SYT3: variants seen among roughly 807,000 people sequenced by gnomAD.
The protein encoded by SYT3 is synaptotagmin 3.
A neutral mutation model predicts 50.6 loss-of-function variants in SYT3; 25 were observed. The observed-to-expected ratio is 0.49, with a 90% CI of 0.36 to 0.69. SYT3 has a LOEUF of 0.69. Ranked by LOEUF, SYT3 falls within the 30% of genes least tolerant of loss-of-function variation. The pLI, the probability that SYT3 is intolerant of heterozygous loss-of-function variation, is 0.00. For synonymous variants in SYT3, 323 were observed against 353.9 expected (o/e 0.91, Z 0.98); for missense variants, 589 against 793.6 (o/e 0.74, Z 3.10).
the SYT3 span, among the ~76,000 whole-genome samples, chr19:50,657,024 G>T: frequency 6.6e-6 from 1 of 151,508 alleles, no homozygotes; most frequent in Non-Finnish European, 1.5e-5. Context: ...GGAAAGGAAG[G>T]AAGGGAGGGA....
the SYT3 span, among the ~76,000 whole-genome samples, chr19:50,645,815 C>T: frequency 1.6e-4 from 25 of 152,166 alleles, no homozygotes; most frequent in South Asian, 4.6e-3. Context: ...AGAAGGTTGA[C>T]GCTGCAGTGA....
chr19:50,656,978 A>AGG, the SYT3 span, among the ~76,000 whole-genome samples: 905 of 138,350 alleles, frequency 6.5e-3, 15 homozygotes, highest in African/African-American at 0.025. Flanking sequence ...GAAAGAAAGA[A>AGG]AGAAGGAAGG....
intron 3 of SYT3, among the ~76,000 whole-genome samples, chr19:50,634,572 CTTTTT>C (rs3028785): frequency 1.2e-4 from 9 of 74,218 alleles, no homozygotes; most frequent in South Asian, 5.7e-4. Context: ...TCTTGGGGTG[CTTTTT>C]TTTTTTTTTT....
Position 50,632,798 on chromosome 19 carries a change from G to A in SYT3, c.162C>T (p.Ser54=). ...PRGPDADISV[S]LLSVIVTFCG... is the part of the protein sequence containing the mutation. The stretch of plus-strand genomic sequence containing the variant: ...AGAATGTCACGATGACCGACAGCAG[G>A]CTCACGGAGATGTCTGGAGAGAACG... The change falls in exon 4 of 11, where the codon AGC becomes AGT. Residue 54 remains serine (S), a synonymous_variant. Transcript: ENST00000600079. This position sits in a 1 kb window ranked among gnomAD's most constrained non-coding sequence, Gnocchi z 4.7. The A allele has an allele frequency of 6.6e-7, 1 of 1,515,904 alleles. No individual in the cohort carries two copies. The highest frequency in any genetic ancestry group is 8.8e-7 in the Non-Finnish European group (1 of 1,133,992). 93.9% of individuals were successfully genotyped at this position (1,515,904 alleles called of 1,614,324 possible).
At position 50,632,930 on chromosome 19, in the gene SYT3, T is replaced by C. The variant is rs1984371635; in HGVS notation, c.149-119A>G. On this transcript the variant is annotated intron_variant, in intron 3 of 10. Transcript: ENST00000600079. The surrounding 1 kb of genome is among the most constrained non-coding windows in gnomAD (Gnocchi z 4.7). ...ATGCAATTGTCCATGCAATTGCAAG[T>C]GCCAGGCACTTTACATGTATTACTT... is the stretch of plus-strand genomic sequence containing the variant. 1.8e-5 allele frequency: 13 copies of C among 730,022 alleles called. No individual in the cohort carries two copies. Among genetic ancestry groups the C allele is most frequent in the Non-Finnish European group, 2.7e-5 (13 of 486,120 alleles). The allele number at this position is 730,022 out of a possible 1,614,324, so 45.2% of individuals were successfully genotyped here. A position where few individuals can be genotyped will look rare whatever the true frequency, so the allele number is the denominator to read the frequency against.
At chr19:50,626,379 C>T (rs1048421172) in intron 6 of SYT3, among the ~76,000 whole-genome samples, 1 of 152,054 alleles carries the variant, frequency 6.6e-6, no homozygotes, top group East Asian at 1.9e-4. Flanking sequence ...GCAAAGTTCT[C>T]AAGTCAGAGG....
rs1049785075 is a variant in SYT3, at chr19:50,639,100, G to A, written c.-91C>T. On this transcript the variant is annotated 5_prime_UTR_variant, in exon 2 of 11. Transcript: ENST00000600079. The surrounding 1 kb of genome is among the most constrained non-coding windows in gnomAD (Gnocchi z 4.6). Reference sequence around the variant, plus strand: ...GGCAGCCCATGGGGGTTCTAGGGCGGACAAGGGGCTGTGGACCCGTTCCCA... The same window carrying A: ...GGCAGCCCATGGGGGTTCTAGGGCGAACAAGGGGCTGTGGACCCGTTCCCA... 1.3e-5 allele frequency: 2 copies of A among 152,968 alleles called. No individual in the cohort carries two copies. Among genetic ancestry groups the A allele is most frequent in the Non-Finnish European group, 2.9e-5 (2 of 68,668 alleles). The allele number at this position is 152,968 out of a possible 1,614,324, so 9.5% of individuals were successfully genotyped here.
In SYT3 at chr19:50,637,680, T is replaced by G; in HGVS notation, c.-15-254A>C. The G allele has an allele frequency of 2.6e-6, 1 of 386,284 alleles. No homozygotes were observed. Among genetic ancestry groups the G allele is most frequent in the Non-Finnish European group, 4.8e-6 (1 of 209,516 alleles). The allele number at this position is 386,284 out of a possible 1,614,324, so 23.9% of individuals were successfully genotyped here. A position where few individuals can be genotyped will look rare whatever the true frequency, so the allele number is the denominator to read the frequency against. On this transcript the variant is annotated intron_variant, in intron 2 of 10. Coordinates refer to ENST00000600079, the MANE Select transcript of SYT3 (RefSeq NM_001160329.2). This position sits in a 1 kb window ranked among gnomAD's most constrained non-coding sequence, Gnocchi z 4.9. ...GGGCAGAAATTAGGGATGGAGATAG[T>G]AGCAGGGACTGGGTAAGTCAAGGGG...
In SYT3 at chr19:50,632,304, C is replaced by CTTGT; in HGVS notation, c.652_655dup (p.Ser219AsnfsTer30). 6.3e-7 allele frequency: 1 copy of CTTGT among 1,580,890 alleles called. No homozygotes were observed. Among genetic ancestry groups the CTTGT allele is most frequent in the South Asian group, 1.1e-5 (1 of 88,338 alleles). On this transcript the variant is annotated frameshift_variant, in exon 4 of 11. Transcript: ENST00000600079. LOFTEE classifies it high-confidence loss of function. This position sits in a 1 kb window ranked among gnomAD's most constrained non-coding sequence, Gnocchi z 4.7. ...CTCTCACCTGGTAGTGGGTGCCAGG[C>CTTGT]TTGTGACCTGCTGATGTGACTGGGC...
rs201670564 is a variant in SYT3, at chr19:50,632,384, C to T, written c.576G>A (p.Gly192=). The change falls in exon 4 of 11, where the codon GGG becomes GGA. Residue 192 remains glycine, a synonymous_variant. Transcript: ENST00000600079. The surrounding 1 kb of genome is among the most constrained non-coding windows in gnomAD (Gnocchi z 4.7). ...GCAGGAGCAACCCAGAGCCTGCTCC[C>T]CCCTCAGAGGGCAGCTCAGGGGATG... is the stretch of plus-strand genomic sequence containing the variant. ...SQTSPELPSE[G]GAGSGLLLLP... 61 of 1,613,080 alleles carry T rather than the reference C, an allele frequency of 3.8e-5. No homozygotes were observed. The Admixed American group carries it at 3.8e-4, about 10-fold the overall frequency.
At chr19:50,630,235 G>T in intron 4 of SYT3, 64 bp from the exon 5 acceptor site, 5 of 1,423,644 alleles carry the variant, frequency 3.5e-6, no homozygotes, top group Non-Finnish European at 4.6e-6. Context: ...TGCATGCAGA[G>T]ACCTGGGAGA....
intron 6 of SYT3, among the ~76,000 whole-genome samples, chr19:50,626,562 A>AGCCCAGAGAGAGAGGAGGACAGAG (rs1984075869): frequency 7.0e-6 from 1 of 142,820 alleles, no homozygotes; most frequent in African/African-American, 2.7e-5. Flanking sequence ...GGAGGACAGA[A>AGCCCAGAGAGAGAGGAGGACAGAG]GCCCAGAGAG....
At position 50,629,754 on chromosome 19, in the gene SYT3, G is replaced by C. The variant is rs139201197; in HGVS notation, c.1062+30C>G. On this transcript the variant is annotated intron_variant, in intron 5 of 10. Transcript: ENST00000600079. Reference sequence around the variant, plus strand: ...CAGAGCCCTAGCTCCCTCTCTGTGGGAACCCGGTGTCCAGCCCGCTGCTCC... The same window carrying C: ...CAGAGCCCTAGCTCCCTCTCTGTGGCAACCCGGTGTCCAGCCCGCTGCTCC... 4.5e-5 allele frequency: 69 copies of C among 1,519,218 alleles called. 5 individuals are homozygous for C. In the Admixed American group the frequency reaches 1.1e-3, roughly 24 times the overall value. The allele number at this position is 1,519,218 out of a possible 1,614,324, so 94.1% of individuals were successfully genotyped here. A position where few individuals can be genotyped will look rare whatever the true frequency, so the allele number is the denominator to read the frequency against.
At chr19:50,630,287 CA>C in intron 4 of SYT3, 116 bp from the exon 5 acceptor site, 15 of 1,074,632 alleles carry the variant, frequency 1.4e-5, no homozygotes, top group Non-Finnish European at 1.9e-5. Flanking sequence ...CAGGTGGCCA[CA>C]AGTCCCCTCC....
At chr19:50,646,608 A>G in the SYT3 span, among the ~76,000 whole-genome samples, 1 of 152,100 alleles carries the variant, frequency 6.6e-6, no homozygotes, top group African/African-American at 2.4e-5. Flanking sequence ...CAGATAAAAA[A>G]ACAGTCGGAG....
chr19:50,651,293 C>T, the SYT3 span, among the ~76,000 whole-genome samples: 1 of 152,146 alleles, frequency 6.6e-6, no homozygotes, highest in South Asian at 2.1e-4. Flanking sequence ...AAACCTTGGC[C>T]CATGCTAGGC....
At chr19:50,649,627 A>G in the SYT3 span, 1 of 1,133,036 alleles carries the variant, frequency 8.8e-7, no homozygotes, top group Non-Finnish European at 1.3e-6. Flanking sequence ...AGTGAAAGCC[A>G]TCCCTAGCAT....
rs986624586 is a variant in SYT3 at position 50,632,222 on chromosome 19, G to A, written c.674+64C>T. The A allele has an allele frequency of 2.7e-6, 4 of 1,480,176 alleles. No homozygotes were observed. The African/African-American group carries it at 4.2e-5, about 16-fold the overall frequency. 91.7% of individuals were successfully genotyped at this position (1,480,176 alleles called of 1,614,324 possible). A position where few individuals can be genotyped will look rare whatever the true frequency, so the allele number is the denominator to read the frequency against. On this transcript the variant is annotated intron_variant, in intron 4 of 10. Transcript: ENST00000600079. The surrounding 1 kb of genome is among the most constrained non-coding windows in gnomAD (Gnocchi z 4.7). ...CCCGAACTCATAAGAGCTATAGATA[G>A]GAAAGAGACACAGAGGAGGAGCAGA...
chr19:50,623,940 T>G (rs962772587), intron 9 of SYT3, among the ~76,000 whole-genome samples: 2 of 151,568 alleles, frequency 1.3e-5, no homozygotes, highest in Middle Eastern at 3.2e-3. Flanking sequence ...TCAAAGGAAA[T>G]GTATGTGCCC....
Sources: gnomAD v4.1 joint callset for allele counts (sites outside exome capture counted in the v4.1 genomes callset) on GRCh38, gnomAD v4.1.1 for gene constraint, Gnocchi (gnomAD v3.1) non-coding constraint, MANE v1.5 for transcripts, NCBI Gene and HGNC (gene_info 2026-07-23, HGNC 2026-07-21) for gene names.